EFCAB6: variants seen among roughly 807,000 people sequenced by gnomAD.
The protein encoded by EFCAB6 is EF-hand calcium-binding domain-containing protein 6.
Under a neutral mutation model 169.8 loss-of-function variants are expected in EFCAB6, and 156 were observed. The ratio of observed to expected loss-of-function variants is 0.92; its 90% confidence interval spans 0.81 to 1.05. The LOEUF is 1.05. Ranked by LOEUF, EFCAB6 falls within the 50% of genes least tolerant of loss-of-function variation. The pLI, the probability that EFCAB6 is intolerant of heterozygous loss-of-function variation, is 0.00. For synonymous variants in EFCAB6, 698 were observed against 676.4 expected (o/e 1.03, Z -0.50); for missense variants, 1,800 against 1,829.1 (o/e 0.98, Z 0.29).
At chr22:43,642,587 C>G (rs1317308833) in intron 17 of EFCAB6, among the ~76,000 whole-genome samples, 1 of 152,146 alleles carries the variant, frequency 6.6e-6, no homozygotes, top group East Asian at 1.9e-4. Flanking sequence ...ACATGCAAAG[C>G]AGGTACTAGG....
chr22:43,634,981 C>A, intron 18 of EFCAB6, 121 bp downstream of exon 18: 1 of 721,476 alleles, frequency 1.4e-6, no homozygotes, highest in Non-Finnish European at 2.5e-6. Context: ...CCAGAAGACA[C>A]CTCGTTTCAA....
At chr22:43,578,375 G>C (rs1221284293) in intron 25 of EFCAB6, among the ~76,000 whole-genome samples, 1 of 152,212 alleles carries the variant, frequency 6.6e-6, no homozygotes, top group Non-Finnish European at 1.5e-5. Flanking sequence ...TCACTGTGGG[G>C]ATTGAGAGGT....
intron 18 of EFCAB6, 132 bp from the exon 19 acceptor site, chr22:43,632,370 G>A (rs1264754183): frequency 1.6e-5 from 21 of 1,282,500 alleles, no homozygotes; most frequent in Non-Finnish European, 2.1e-5. Flanking sequence ...TGCAATCTCA[G>A]CTCACTGCAA....
chr22:43,565,193 T>C (rs887786830), intron 26 of EFCAB6, among the ~76,000 whole-genome samples: 1 of 152,240 alleles, frequency 6.6e-6, no homozygotes, highest in Non-Finnish European at 1.5e-5. Flanking sequence ...ACCATTGCCT[T>C]AGAAGACAGG....
At chr22:43,629,423 C>T (rs2054765456) in intron 19 of EFCAB6, among the ~76,000 whole-genome samples, 1 of 152,118 alleles carries the variant, frequency 6.6e-6, no homozygotes, top group Non-Finnish European at 1.5e-5. Context: ...AGGGTGGTTG[C>T]GGGTGTCAGA....
chr22:43,607,749 C>T (rs1390992128), intron 22 of EFCAB6, among the ~76,000 whole-genome samples: 2 of 152,168 alleles, frequency 1.3e-5, no homozygotes, highest in East Asian at 1.9e-4. Context: ...AGTGGACGTA[C>T]GATGTTGGTA....
At chr22:43,785,716 C>T (rs894051140) in intron 2 of EFCAB6, among the ~76,000 whole-genome samples, 4 of 152,024 alleles carry the variant, frequency 2.6e-5, no homozygotes, top group African/African-American at 9.7e-5. Flanking sequence ...ATCAAAGTTA[C>T]TTCAAAAGAT....
intron 6 of EFCAB6, among the ~76,000 whole-genome samples, chr22:43,750,652 G>C (rs1443324902): frequency 6.6e-6 from 1 of 151,012 alleles, no homozygotes; most frequent in Non-Finnish European, 1.5e-5. Context: ...CTTTTTGTTA[G>C]GCAAACAGAC....
chr22:43,571,327 A>C (rs2049859482), intron 26 of EFCAB6, among the ~76,000 whole-genome samples: 1 of 152,152 alleles, frequency 6.6e-6, no homozygotes, highest in Non-Finnish European at 1.5e-5. Flanking sequence ...GGGATTACTC[A>C]CGGTGAACTT....
At position 43,737,691 on chromosome 22, in the gene EFCAB6, G is replaced by A. The variant is rs558551124; in HGVS notation, c.508-1698C>T. 4.1e-4 allele frequency among the ~76,000 whole-genome samples: 57 copies of A among 138,708 alleles called. 1 individual carries two copies. In the South Asian group the frequency reaches 9.5e-3, roughly 23 times the overall value. The allele number at this position is 138,708 out of a possible 152,430, so 91.0% of individuals were successfully genotyped here. A position where few individuals can be genotyped will look rare whatever the true frequency, so the allele number is the denominator to read the frequency against. On this transcript the variant is annotated intron_variant, in intron 6 of 31. Transcript: ENST00000262726. ...CATATATTCATACACACCTGTGCATGTACTCATACACACTCACACCATCAC... is the reference window on the plus strand; with the variant it reads ...CATATATTCATACACACCTGTGCATATACTCATACACACTCACACCATCAC...
At chr22:43,637,432 G>A (rs1350280433) in intron 17 of EFCAB6, among the ~76,000 whole-genome samples, 1 of 152,260 alleles carries the variant, frequency 6.6e-6, no homozygotes, top group Non-Finnish European at 1.5e-5. Flanking sequence ...CACTGTCTAT[G>A]TAAATAACAG....
chr22:43,665,058 TA>T, intron 17 of EFCAB6, among the ~76,000 whole-genome samples: 1 of 152,218 alleles, frequency 6.6e-6, no homozygotes, highest in East Asian at 1.9e-4. Context: ...GGAGACTCAG[TA>T]AAGATGACTA....
intron 2 of EFCAB6, among the ~76,000 whole-genome samples, chr22:43,799,491 T>C (rs904023990): frequency 1.3e-5 from 2 of 152,230 alleles, no homozygotes; most frequent in African/African-American, 2.4e-5. Context: ...TTTAGTTAAA[T>C]TGATGTTGTA....
intron 20 of EFCAB6, 94 bp from the exon 21 acceptor site, chr22:43,616,016 G>T: frequency 5.0e-6 from 5 of 996,688 alleles, no homozygotes; most frequent in Non-Finnish European, 7.3e-6. Context: ...TTTGTTTCAA[G>T]GATACCATTA....
intron 4 of EFCAB6, among the ~76,000 whole-genome samples, chr22:43,769,246 G>C (rs1220321466): frequency 6.6e-6 from 1 of 152,186 alleles, no homozygotes; most frequent in African/African-American, 2.4e-5. Context: ...ATCATATCTT[G>C]TATGACTCCA....
chr22:43,623,418 G>C (rs561945388), intron 20 of EFCAB6, among the ~76,000 whole-genome samples: 1 of 152,318 alleles, frequency 6.6e-6, no homozygotes, highest in South Asian at 2.1e-4. Flanking sequence ...ATTCTACTTG[G>C]TATTTATATA....
At chr22:43,632,294 C>T (rs1373011357) in intron 18 of EFCAB6, 56 bp from the exon 19 acceptor site, 5,267 of 1,127,964 alleles carry the variant, frequency 4.7e-3, no homozygotes, top group African/African-American at 5.5e-3. Flanking sequence ...TTCATTCCTT[C>T]TTTTTTTTTT....
In EFCAB6 at chr22:43,539,351, T is replaced by A. The variant is rs150614982; in HGVS notation, c.3879+776A>T. Among the ~76,000 whole-genome samples, 11 of 152,334 alleles carry A rather than the reference T, an allele frequency of 7.2e-5. No homozygotes were observed. In the East Asian group the frequency reaches 2.1e-3, roughly 29 times the overall value. On this transcript the variant is annotated intron_variant, in intron 28 of 31. Transcript: ENST00000262726. ...TACTGCTTTTCTTGCCTATTACCCC[T>A]AAAAGAACACAAACTCCACAAGAGC...
intron 1 of EFCAB6, among the ~76,000 whole-genome samples, chr22:43,811,397 G>T (rs2063121357): frequency 1.3e-5 from 2 of 150,076 alleles, no homozygotes; most frequent in South Asian, 4.3e-4. Flanking sequence ...AGGGAGAAAA[G>T]AAAAGAAAAG....
Sources: allele counts gnomAD v4.1 joint callset (sites outside exome capture counted in the v4.1 genomes callset), GRCh38; gene constraint gnomAD v4.1.1; transcripts MANE v1.5; gene names NCBI Gene and HGNC (gene_info 2026-07-23, HGNC 2026-07-21).